The following GNB5 variants were observed in gnomAD, a reference collection of about 807,000 sequenced individuals.
GNB5 encodes G protein subunit beta 5.
Under a neutral mutation model 55.3 loss-of-function variants are expected in GNB5, and 37 were observed. The observed-to-expected ratio is 0.67, with a 90% CI of 0.51 to 0.88. The LOEUF (loss-of-function observed/expected upper bound fraction) is 0.88. GNB5 is among the 40% of genes least tolerant of loss of function. The probability of loss-of-function intolerance (pLI) is 0.00; values close to 1 mark genes in which losing one functional copy is unlikely to be tolerated. For synonymous variants in GNB5, 219 were observed against 198.5 expected, an observed-to-expected ratio of 1.10 and a Z score of -0.87; for missense variants, 476 against 515.3, an observed-to-expected ratio of 0.92 and a Z score of 0.74.
intron 7 of GNB5, chr15:52,137,726 G>C (rs3829469): frequency 0.12 from 148,075 of 1,188,532 alleles, 9,923 homozygotes; most frequent in South Asian, 0.21. Context: ...AAGGCAGTGA[G>C]GACTCAGGGT....
intron 3 of GNB5, among the ~76,000 whole-genome samples, chr15:52,171,325 T>A (rs1207183780): frequency 6.6e-6 from 1 of 152,058 alleles, no homozygotes; most frequent in Non-Finnish European, 1.5e-5. Context: ...TCTAGTACAG[T>A]CCCTAGTAAG....
intron 2 of GNB5, 134 bp from the exon 3 acceptor site, chr15:52,180,013 C>G: frequency 8.6e-7 from 1 of 1,166,262 alleles, no homozygotes; most frequent in South Asian, 3.1e-5. Flanking sequence ...ACGCCAGCAG[C>G]TGCGGGCCCG....
intron 7 of GNB5, among the ~76,000 whole-genome samples, chr15:52,138,105 T>C (rs988657949): frequency 3.3e-5 from 5 of 152,110 alleles, no homozygotes; most frequent in Non-Finnish European, 7.4e-5. Context: ...TGTTAGGCCT[T>C]GAACATAAAG....
intron 3 of GNB5, among the ~76,000 whole-genome samples, chr15:52,177,722 A>G (rs796381843): frequency 2.0e-5 from 3 of 152,280 alleles, no homozygotes; most frequent in African/African-American, 7.2e-5. Flanking sequence ...AGACATGTCA[A>G]AGGGGAAGAG....
rs150511218 is a variant in GNB5 at position 52,165,166 on chromosome 15, A to C, written c.239-11090T>G. Among the ~76,000 whole-genome samples the C allele has an allele frequency of 4.9e-3, 742 of 152,314 alleles. 18 individuals carry two copies. The highest frequency in any genetic ancestry group is 0.026 in the Admixed American group (395 of 15,294). ...GGCAAGCAGACAAGAATAGAGAAAA[A>C]ACAATGAAAAGGAATGAACAAAACC... is the stretch of plus-strand genomic sequence containing the variant. On this transcript the variant is annotated intron_variant, in intron 3 of 12. Transcript: ENST00000261837.
chr15:52,126,379 T>G (rs891448085), intron 10 of GNB5, among the ~76,000 whole-genome samples: 3 of 152,152 alleles, frequency 2.0e-5, no homozygotes, highest in African/African-American at 7.2e-5. Context: ...TATTCAAAAA[T>G]GTAAACAGAA....
intron 3 of GNB5, among the ~76,000 whole-genome samples, chr15:52,168,357 A>T (rs975051660): frequency 6.6e-6 from 1 of 152,078 alleles, no homozygotes; most frequent in African/African-American, 2.4e-5. Flanking sequence ...TCATGAGTGA[A>T]CTCCCATTCA....
chr15:52,146,057 C>T (rs535285713), intron 6 of GNB5, among the ~76,000 whole-genome samples: 18 of 150,600 alleles, frequency 1.2e-4, no homozygotes, highest in Middle Eastern at 3.4e-3. Context: ...CCTGGGTTCA[C>T]GCCATTCTCC....
rs1220420771 is a variant in GNB5, at chr15:52,147,258, C to T, written c.494+201G>A. 4.2e-6 allele frequency: 2 copies of T among 479,066 alleles called. 1 individual carries two copies. Among genetic ancestry groups the T allele is most frequent in the South Asian group, 4.4e-5 (2 of 45,170 alleles). The allele number at this position is 479,066 out of a possible 1,614,324, so 29.7% of individuals were successfully genotyped here. ...GCTCAAGTGATCCTCCCACCTCAGC[C>T]TCCCAGGTGGCTGGGATTACAAGCA... On this transcript the variant is annotated intron_variant, in intron 6 of 12. Coordinates refer to ENST00000261837, the MANE Select transcript of GNB5 (RefSeq NM_016194.4).
At chr15:52,190,606 G>A (rs931309189) in intron 1 of GNB5, among the ~76,000 whole-genome samples, 1 of 152,010 alleles carries the variant, frequency 6.6e-6, no homozygotes, top group Non-Finnish European at 1.5e-5. Flanking sequence ...CACAAAGTGT[G>A]GGCAAGGATG....
chr15:52,162,720 T>C (rs2034361080), intron 3 of GNB5: 1 of 152,078 alleles, frequency 6.6e-6, no homozygotes, highest in African/African-American at 2.4e-5. Context: ...CAAAGTAGAA[T>C]GGGATAGGAT....
intron 7 of GNB5, among the ~76,000 whole-genome samples, chr15:52,140,402 G>A (rs185948043): frequency 1.3e-5 from 2 of 152,328 alleles, no homozygotes; most frequent in East Asian, 3.9e-4. Flanking sequence ...GTGGCCGCCT[G>A]GAGTGGCAGC....
chr15:52,163,377 C>T (rs145649798), intron 3 of GNB5, among the ~76,000 whole-genome samples: 3 of 152,294 alleles, frequency 2.0e-5, no homozygotes, highest in East Asian at 1.9e-4. Context: ...AGCTAAGCAC[C>T]GTCGTTCAGC....
Position 52,115,406 on chromosome 15 carries a change from C to T in GNB5, c.*7351G>A, listed in dbSNP as rs2033128037. 7 of 152,210 alleles carry T rather than the reference C, an allele frequency of 4.6e-5. No individual in the cohort carries two copies. The highest frequency in any genetic ancestry group is 4.6e-4 in the Admixed American group (7 of 15,278). The allele number at this position is 152,210 out of a possible 1,614,324, so 9.4% of individuals were successfully genotyped here. A position where few individuals can be genotyped will look rare whatever the true frequency, so the allele number is the denominator to read the frequency against. On this transcript the variant is annotated 3_prime_UTR_variant, in exon 13 of 13. Transcript: ENST00000261837. The stretch of plus-strand genomic sequence containing the variant: ...GCTATGGGCAAGTTATTCAACTCTC[C>T]TAACCTCAATCTCCCCATCTAAAAA...
At chr15:52,134,951 C>A (rs1026060258) in intron 8 of GNB5, among the ~76,000 whole-genome samples, 2 of 152,016 alleles carry the variant, frequency 1.3e-5, no homozygotes, top group African/African-American at 4.8e-5. Context: ...AGTGCAAATA[C>A]CACTATGCAC....
At chr15:52,123,400 C>G (rs999192001) in intron 12 of GNB5, among the ~76,000 whole-genome samples, 1 of 152,008 alleles carries the variant, frequency 6.6e-6, no homozygotes, top group African/African-American at 2.4e-5. Flanking sequence ...TGCCCCCCAA[C>G]AAAGACCTGC....
intron 1 of GNB5, among the ~76,000 whole-genome samples, chr15:52,185,821 C>T (rs1464383691): frequency 1.3e-5 from 2 of 149,898 alleles, no homozygotes; most frequent in Non-Finnish European, 1.5e-5. Flanking sequence ...CTCTGTCTCC[C>T]AGGCTGGAGT....
At chr15:52,137,514 C>G in intron 7 of GNB5, 4 of 1,016,026 alleles carry the variant, frequency 3.9e-6, no homozygotes, top group Non-Finnish European at 4.7e-6. Flanking sequence ...ATGAGAAAAG[C>G]AAACGTATGT....
chr15:52,145,187 G>A (rs1192850413), intron 6 of GNB5, among the ~76,000 whole-genome samples: 2 of 151,924 alleles, frequency 1.3e-5, no homozygotes, highest in Non-Finnish European at 2.9e-5. Flanking sequence ...TCTAATAGAT[G>A]TGTTACACAT....
Sources: gnomAD v4.1 joint callset for allele counts (sites outside exome capture counted in the v4.1 genomes callset) on GRCh38, gnomAD v4.1.1 for gene constraint, MANE v1.5 for transcripts, NCBI Gene and HGNC (gene_info 2026-07-23, HGNC 2026-07-21) for gene names.